The following ALG9 variants were observed in gnomAD, a reference collection of about 807,000 sequenced individuals.
ALG9 encodes the protein alpha-1,2-mannosyltransferase ALG9.
A neutral mutation model predicts 81.8 loss-of-function variants in ALG9; 55 were observed. The observed-to-expected ratio is 0.67, with a 90% CI of 0.54 to 0.84. ALG9 has a LOEUF of 0.84. ALG9 is among the 40% of genes least tolerant of loss of function. The pLI, the probability that ALG9 is intolerant of heterozygous loss-of-function variation, is 0.00. For synonymous variants in ALG9, 278 were observed against 274.3 expected (o/e 1.01, Z -0.13); for missense variants, 629 against 745.0 (o/e 0.84, Z 1.81).
intron 5 of ALG9, among the ~76,000 whole-genome samples, chr11:111,858,348 C>T (rs1393099814): frequency 6.6e-6 from 1 of 152,190 alleles, no homozygotes; most frequent in Non-Finnish European, 1.5e-5. Context: ...TCCCCAGGAA[C>T]ACCCCATGAT....
rs1475983460 is a variant in ALG9 at position 111,871,497 on chromosome 11, A to G, written c.-15T>C. ...CGACTAGCCATGGCAAGCCTGGGGA[A>G]AAAAGAATTCGGCACCCTATGAAGT... On this transcript the variant is annotated 5_prime_UTR_variant, in exon 1 of 15. Transcript: ENST00000616540. 2.0e-6 allele frequency: 3 copies of G among 1,536,286 alleles called. No homozygotes were observed. Among genetic ancestry groups the G allele is most frequent in the African/African-American group, 2.7e-5 (2 of 73,140 alleles).
At chr11:111,871,221 A>C in intron 1 of ALG9, 131 bp downstream of exon 1, 1 of 1,312,854 alleles carries the variant, frequency 7.6e-7, no homozygotes, top group Non-Finnish European at 9.6e-7. Flanking sequence ...ACCTAGCTGA[A>C]GAGGGAGCTC....
chr11:111,861,682 C>T (rs1960201860), intron 4 of ALG9, among the ~76,000 whole-genome samples: 1 of 152,168 alleles, frequency 6.6e-6, no homozygotes, highest in Admixed American at 6.6e-5. Flanking sequence ...CTATGTTGCC[C>T]AGGCTGATCT....
intron 14 of ALG9, among the ~76,000 whole-genome samples, chr11:111,809,127 C>A (rs2136411505): frequency 6.6e-6 from 1 of 152,350 alleles, no homozygotes; most frequent in Non-Finnish European, 1.5e-5. Context: ...GCAGACCTAT[C>A]TGCTTTACTT....
intron 8 of ALG9, among the ~76,000 whole-genome samples, chr11:111,849,306 C>T (rs1957400632): frequency 6.6e-6 from 1 of 152,198 alleles, no homozygotes; most frequent in African/African-American, 2.4e-5. Flanking sequence ...TCACCTCGGC[C>T]TCCCAAAGTG....
chr11:111,870,307 C>A lies in ALG9; in HGVS notation c.195G>T (p.Leu65=), dbSNP rs782395145. 1 of 1,601,424 alleles carries A rather than the reference C, an allele frequency of 6.2e-7. No homozygotes were observed. The highest frequency in any genetic ancestry group is 2.3e-5 in the East Asian group (1 of 44,284). ...GAGCAGCACATAACCTTGCTGAAAG[C>A]AGACACTTGAAAGCAGTAGATCCTT... The part of the protein sequence containing the change: ...APEGSTAFKC[L]LSARLCAALL... Residue 65 remains leucine, a synonymous_variant, in exon 2 of 15, where the codon CTG becomes CTT. Transcript: ENST00000616540.
At chr11:111,870,404 A>AG (rs1963954945) in intron 1 of ALG9, 34 bp from the exon 2 acceptor site, 1 of 1,472,478 alleles carries the variant, frequency 6.8e-7, no homozygotes, top group African/African-American at 1.4e-5. Context: ...AAAAAAAAAA[A>AG]GCATGTCAGG....
intron 13 of ALG9, among the ~76,000 whole-genome samples, chr11:111,816,738 A>T (rs969932098): frequency 3.3e-5 from 5 of 152,068 alleles, no homozygotes; most frequent in African/African-American, 7.2e-5. Flanking sequence ...TAAATTTTTT[A>T]AAATAGAGAC....
chr11:111,810,648 CA>C (rs1241799435), intron 13 of ALG9, among the ~76,000 whole-genome samples: 2 of 152,068 alleles, frequency 1.3e-5, no homozygotes, highest in Non-Finnish European at 2.9e-5. Context: ...TCCAACTACT[CA>C]GGAGGCTGAG....
the ALG9 span, among the ~76,000 whole-genome samples, chr11:111,773,018 C>T: frequency 1.3e-5 from 2 of 151,802 alleles, no homozygotes; most frequent in Non-Finnish European, 2.9e-5. Flanking sequence ...GCAGGCGGAT[C>T]ACGAGGTCAG....
intron 9 of ALG9, among the ~76,000 whole-genome samples, chr11:111,843,066 C>T (rs1456673572): frequency 6.6e-6 from 1 of 152,068 alleles, no homozygotes; most frequent in Non-Finnish European, 1.5e-5. Flanking sequence ...ACTATATGCA[C>T]GTGCCACTGC....
rs574114842 is a variant in ALG9, at chr11:111,828,024, C to T, written c.1602+8141G>A. Among the ~76,000 whole-genome samples the T allele has an allele frequency of 4.6e-5, 7 of 151,790 alleles. No homozygotes were observed. In the South Asian group the frequency reaches 1.2e-3, roughly 27 times the overall value. On this transcript the variant is annotated intron_variant, in intron 13 of 14. Coordinates refer to ENST00000616540, the MANE Select transcript of ALG9 (RefSeq NM_024740.2). ...CTAACATGGTGAAACCCTGTCTCTA[C>T]TAAAAATACAAAAAAATTGGCCAGG...
rs1290130885 is a variant in ALG9, at chr11:111,836,155, T to C, written c.1602+10A>G. 3.1e-6 allele frequency: 5 copies of C among 1,613,688 alleles called. No homozygotes were observed. The highest frequency in any genetic ancestry group is 4.2e-6 in the Non-Finnish European group (5 of 1,179,734). On this transcript the variant is annotated intron_variant, in intron 13 of 14. Coordinates refer to ENST00000616540, the MANE Select transcript of ALG9 (RefSeq NM_024740.2). Reference sequence around the variant, plus strand: ...TTTTCAGAGAAGCAAGAAGAGAATGTAGCCCTTACATATCTGGATGGCTCT... The same window carrying C: ...TTTTCAGAGAAGCAAGAAGAGAATGCAGCCCTTACATATCTGGATGGCTCT...
At chr11:111,838,533 C>A (rs1300136153) in intron 10 of ALG9, 134 bp from the exon 11 acceptor site, 10 of 769,876 alleles carry the variant, frequency 1.3e-5, no homozygotes, top group Non-Finnish European at 2.1e-5. Context: ...ACTCCAAACT[C>A]TAAGATAAAA....
intron 13 of ALG9, among the ~76,000 whole-genome samples, chr11:111,831,048 AT>A (rs1311715439): frequency 8.0e-5 from 12 of 149,082 alleles, no homozygotes; most frequent in Middle Eastern, 3.4e-3. Context: ...GCTAATTTAA[AT>A]TTTTTTTTTT....
At chr11:111,830,628 G>T (rs1555112755) in intron 13 of ALG9, among the ~76,000 whole-genome samples, 2 of 152,124 alleles carry the variant, frequency 1.3e-5, no homozygotes, top group African/African-American at 4.8e-5. Flanking sequence ...ATTTGAATCT[G>T]CTTGCCTTGA....
chr11:111,803,172 G>T (rs1949388179), intron 14 of ALG9, among the ~76,000 whole-genome samples: 2 of 152,142 alleles, frequency 1.3e-5, no homozygotes, highest in African/African-American at 4.8e-5. Context: ...TATATGGAGA[G>T]GCAAAAGACC....
Position 111,813,289 on chromosome 11 carries a change from T to G in ALG9, c.1603-3516A>C, listed in dbSNP as rs189907429. Among the ~76,000 whole-genome samples the G allele has an allele frequency of 8.7e-3, 1,319 of 152,306 alleles. 8 individuals carry two copies. The highest frequency in any genetic ancestry group is 0.051 in the Middle Eastern group (15 of 294). On this transcript the variant is annotated intron_variant, in intron 13 of 14. Coordinates refer to ENST00000616540, the MANE Select transcript of ALG9 (RefSeq NM_024740.2). ...CGATACATTTGACTATATTAAAGTTTAGAATACCTTTTCACCAAAAGACAC... is the reference window on the plus strand; with the variant it reads ...CGATACATTTGACTATATTAAAGTTGAGAATACCTTTTCACCAAAAGACAC...
chr11:111,827,414 T>G (rs1953522502), intron 13 of ALG9, among the ~76,000 whole-genome samples: 1 of 152,012 alleles, frequency 6.6e-6, no homozygotes, highest in Non-Finnish European at 1.5e-5. Flanking sequence ...AGTGGGAGGT[T>G]GCAGTGGGTC....
Sources: gnomAD v4.1 joint callset for allele counts (sites outside exome capture counted in the v4.1 genomes callset) on GRCh38, gnomAD v4.1.1 for gene constraint, MANE v1.5 for transcripts, NCBI Gene and HGNC (gene_info 2026-07-23, HGNC 2026-07-21) for gene names.